Variants in PTBP3 observed in about 807,000 individuals in gnomAD.
PTBP3 encodes polypyrimidine tract binding protein 3, also known as polypyrimidine tract-binding protein 3.
A neutral mutation model predicts 58.7 loss-of-function variants in PTBP3; 20 were observed. The observed-to-expected ratio is 0.34, with a 90% CI of 0.24 to 0.50. The LOEUF (loss-of-function observed/expected upper bound fraction) is 0.50, where lower values mean the gene tolerates loss of function less well. Among genes scored for constraint, PTBP3 ranks in the 20% least tolerant of loss-of-function variants. PTBP3 has a pLI of 0.98. For missense variants in PTBP3, 509 were observed against 637.2 expected (o/e 0.80, Z 2.17); for synonymous variants, 185 against 219.8 (o/e 0.84, Z 1.40).
Position 112,275,874 on chromosome 9 carries a change from A to C in PTBP3, c.174T>G (p.Thr58=), listed in dbSNP as rs1482199506. ...TTTTTCCTTTCAACATCAAAAGATT[A>C]GTTACTTTGCCAAATGGTAGACCTA... ...ISLGLPFGKV[T]NLLMLKGKSQ... Residue 58 remains threonine, a synonymous_variant, in exon 3 of 14, where the codon ACT becomes ACG. Coordinates refer to ENST00000374257, the MANE Select transcript of PTBP3 (RefSeq NM_001163788.4). The C allele has an allele frequency of 1.2e-6, 2 of 1,613,604 alleles. No homozygotes were observed. Among genetic ancestry groups the C allele is most frequent in the Non-Finnish European group, 1.7e-6 (2 of 1,179,662 alleles).
the PTBP3 span, among the ~76,000 whole-genome samples, chr9:112,341,431 C>T: frequency 6.6e-6 from 1 of 152,072 alleles, no homozygotes; most frequent in Non-Finnish European, 1.5e-5. Flanking sequence ...CATGCCTGGC[C>T]TCTGGTAGAA....
At chr9:112,291,229 C>CAAA (rs562722222) in intron 2 of PTBP3, among the ~76,000 whole-genome samples, 1 of 147,676 alleles carries the variant, frequency 6.8e-6, no homozygotes. Flanking sequence ...TCTCTGTCTC[C>CAAA]AAAAAAAAAA....
At chr9:112,353,058 G>A in the PTBP3 span, among the ~76,000 whole-genome samples, 1 of 151,962 alleles carries the variant, frequency 6.6e-6, no homozygotes, top group African/African-American at 2.4e-5. Context: ...CTGCCACCAC[G>A]CCTGGTTAAT....
At chr9:112,255,041 A>C (rs7040713) in intron 5 of PTBP3, among the ~76,000 whole-genome samples, 81,257 of 152,022 alleles carry the variant, frequency 0.53, 22,768 homozygotes, top group African/African-American at 0.72. Flanking sequence ...CAGCCTCAAA[A>C]AGGAGAAAAA....
chr9:112,306,958 T>G (rs923875840), intron 1 of PTBP3, among the ~76,000 whole-genome samples: 3 of 152,234 alleles, frequency 2.0e-5, no homozygotes, highest in East Asian at 1.9e-4. Flanking sequence ...TATAAGGACA[T>G]GGTGAAAGTT....
chr9:112,311,131 G>C (rs981694378), intron 1 of PTBP3, among the ~76,000 whole-genome samples: 2 of 151,996 alleles, frequency 1.3e-5, no homozygotes, highest in Admixed American at 6.5e-5. Flanking sequence ...AAGGACTCTG[G>C]TTAGGAAGCT....
intron 12 of PTBP3, among the ~76,000 whole-genome samples, chr9:112,224,646 C>G (rs3849125): frequency 0.99 from 150,517 of 152,314 alleles, 74,374 homozygotes; most frequent in Middle Eastern, 1. Flanking sequence ...TGGCTGTCAG[C>G]CTCTAAGGTG....
At chr9:112,269,021 C>A (rs544817810) in intron 3 of PTBP3, among the ~76,000 whole-genome samples, 6 of 152,028 alleles carry the variant, frequency 3.9e-5, no homozygotes, top group South Asian at 2.1e-4. Flanking sequence ...CACAGTGAAA[C>A]CCTGTCTCTA....
chr9:112,326,146 G>A (rs150476099), intron 1 of PTBP3, among the ~76,000 whole-genome samples: 334 of 152,276 alleles, frequency 2.2e-3, no homozygotes, highest in Non-Finnish European at 3.7e-3. Context: ...GAGGTATACA[G>A]GAAACACTAG....
At chr9:112,253,572 C>G (rs1836221691) in intron 5 of PTBP3, among the ~76,000 whole-genome samples, 1 of 152,124 alleles carries the variant, frequency 6.6e-6, no homozygotes, top group African/African-American at 2.4e-5. Flanking sequence ...TTTAGTTTTA[C>G]TCTGTTGATA....
chr9:112,289,076 A>C (rs192651293), intron 2 of PTBP3, among the ~76,000 whole-genome samples: 120 of 152,358 alleles, frequency 7.9e-4, no homozygotes, highest in African/African-American at 2.9e-3. Context: ...TAGCTTCCTA[A>C]GTAGCTAGGT....
the PTBP3 span, among the ~76,000 whole-genome samples, chr9:112,372,240 C>T: frequency 4.6e-5 from 7 of 152,154 alleles, no homozygotes; most frequent in African/African-American, 1.7e-4. Context: ...CCATGTCCAG[C>T]TAATTAAAAG....
At chr9:112,275,323 C>T (rs954392189) in intron 3 of PTBP3, among the ~76,000 whole-genome samples, 10 of 151,940 alleles carry the variant, frequency 6.6e-5, no homozygotes, top group African/African-American at 1.9e-4. Flanking sequence ...TTAGTAGAGA[C>T]GGGGTTTCAC....
In PTBP3 at chr9:112,223,529, A is replaced by G; in HGVS notation, c.*322T>C. On this transcript the variant is annotated 3_prime_UTR_variant, in exon 14 of 14. Coordinates refer to ENST00000374257, the MANE Select transcript of PTBP3 (RefSeq NM_001163788.4). ...TGTTGTATAAGGCTGATCTGGACCC[A>G]AACTAAAACAACGTTAATCCTCTTC... is the stretch of plus-strand genomic sequence containing the variant. 1 of 964,304 alleles carries G rather than the reference A, an allele frequency of 1.0e-6. No individual in the cohort carries two copies. Among genetic ancestry groups the G allele is most frequent in the Non-Finnish European group, 1.3e-6 (1 of 793,628 alleles). 59.7% of individuals were successfully genotyped at this position (964,304 alleles called of 1,614,324 possible).
intron 3 of PTBP3, among the ~76,000 whole-genome samples, chr9:112,272,079 A>T (rs7865097): frequency 0.53 from 77,134 of 146,808 alleles, 20,604 homozygotes; most frequent in African/African-American, 0.71. Flanking sequence ...TTTATTTTTT[A>T]TTTTTTTTTT....
intron 2 of PTBP3, among the ~76,000 whole-genome samples, chr9:112,281,899 AC>A (rs1375895195): frequency 6.6e-6 from 1 of 152,048 alleles, no homozygotes. Context: ...GGTGGCTTAA[AC>A]AAGAAAAATT....
chr9:112,289,675 G>A (rs1015358674), intron 2 of PTBP3, among the ~76,000 whole-genome samples: 5 of 152,154 alleles, frequency 3.3e-5, no homozygotes, highest in African/African-American at 1.2e-4. Flanking sequence ...CCAGCTACTT[G>A]AGAGGCTGGG....
chr9:112,252,626 G>C (rs912328451), intron 6 of PTBP3, 52 bp downstream of exon 6: 4 of 1,279,452 alleles, frequency 3.1e-6, no homozygotes, highest in Non-Finnish European at 4.5e-6. Context: ...CACAAGAGAA[G>C]GTATCACTGG....
chr9:112,341,951 T>C, the PTBP3 span, among the ~76,000 whole-genome samples: 1 of 152,186 alleles, frequency 6.6e-6, no homozygotes. Context: ...TAAGGCATTA[T>C]TTCTGGGTGT....
Sources: gnomAD v4.1 joint callset for allele counts (sites outside exome capture counted in the v4.1 genomes callset) on GRCh38, gnomAD v4.1.1 for gene constraint, MANE v1.5 for transcripts, NCBI Gene and HGNC (gene_info 2026-07-23, HGNC 2026-07-21) for gene names.